The following PHC2 variants were observed in gnomAD, a reference collection of about 807,000 sequenced individuals.
The protein encoded by PHC2 is polyhomeotic homolog 2, also known as polyhomeotic-like protein 2.
Under a neutral mutation model 87.4 loss-of-function variants are expected in PHC2, and 29 were observed. The observed-to-expected ratio is 0.33, with a 90% CI of 0.25 to 0.45. The LOEUF (loss-of-function observed/expected upper bound fraction) is 0.45, where lower values mean the gene tolerates loss of function less well. Among genes scored for constraint, PHC2 ranks in the 20% least tolerant of loss-of-function variants. The probability of loss-of-function intolerance (pLI) is 1.00; values close to 1 mark genes in which losing one functional copy is unlikely to be tolerated. For synonymous variants in PHC2, 438 were observed against 461.7 expected (o/e 0.95, Z 0.66); for missense variants, 857 against 1,136.7 (o/e 0.75, Z 3.54).
chr1:33,340,767 A>G lies in PHC2; in HGVS notation c.1559-6475T>C, dbSNP rs144756929. On this transcript the variant is annotated intron_variant, in intron 9 of 14. Coordinates refer to ENST00000683057, the MANE Select transcript of PHC2 (RefSeq NM_001385109.1). ...GAGGGGAACAGGCAGGCTGAGCTCT[A>G]TCTGGGACCCTGACAGAGTCCATCA... 1.5e-4 allele frequency among the ~76,000 whole-genome samples: 23 copies of G among 152,292 alleles called. No individual in the cohort carries two copies. The East Asian group carries it at 1.7e-3, about 12-fold the overall frequency.
chr1:33,333,517 A>G (rs948587629), intron 10 of PHC2: 1 of 158,022 alleles, frequency 6.3e-6, no homozygotes, highest in Non-Finnish European at 1.4e-5. Context: ...TGGCTCGTGG[A>G]TATTTCTTGT....
At position 33,332,483 on chromosome 1, in the gene PHC2, C is replaced by A; in HGVS notation, c.1762-79G>T. On this transcript the variant is annotated intron_variant, in intron 10 of 14. Coordinates refer to ENST00000683057, the MANE Select transcript of PHC2 (RefSeq NM_001385109.1). The surrounding 1 kb of genome is among the most constrained non-coding windows in gnomAD (Gnocchi z 4.2). ...GCTATCCATCCTCATCACAATTACACGTATAAAGTATCCAGGCACAGAGGC... is the reference window on the plus strand; with the variant it reads ...GCTATCCATCCTCATCACAATTACAAGTATAAAGTATCCAGGCACAGAGGC... The A allele has an allele frequency of 6.5e-7, 1 of 1,527,970 alleles. No individual in the cohort carries two copies. The highest frequency in any genetic ancestry group is 9.0e-7 in the Non-Finnish European group (1 of 1,106,382). The allele number at this position is 1,527,970 out of a possible 1,614,324, so 94.7% of individuals were successfully genotyped here. A position where few individuals can be genotyped will look rare whatever the true frequency, so the allele number is the denominator to read the frequency against.
intron 1 of PHC2, among the ~76,000 whole-genome samples, chr1:33,420,965 TA>T: frequency 6.6e-6 from 1 of 152,326 alleles, no homozygotes; most frequent in South Asian, 2.1e-4. Flanking sequence ...ATGACATGAG[TA>T]CTTACCTCAG....
chr1:33,355,374 T>C (rs1477888856), intron 7 of PHC2, 121 bp from the exon 8 acceptor site: 3 of 839,442 alleles, frequency 3.6e-6, no homozygotes, highest in Non-Finnish European at 5.4e-6. Context: ...TCTCTTGTTT[T>C]CATCTCTTTC....
intron 1 of PHC2, among the ~76,000 whole-genome samples, chr1:33,390,989 G>A (rs1334201755): frequency 6.6e-6 from 1 of 152,066 alleles, no homozygotes; most frequent in African/African-American, 2.4e-5. Flanking sequence ...AATGGGGAGG[G>A]GGCTTTCTAG....
At chr1:33,428,388 T>A (rs1650768726) in intron 1 of PHC2, among the ~76,000 whole-genome samples, 1 of 152,244 alleles carries the variant, frequency 6.6e-6, no homozygotes, top group Non-Finnish European at 1.5e-5. Context: ...GTATTAAGCA[T>A]GTCACCCCAG....
intron 1 of PHC2, among the ~76,000 whole-genome samples, chr1:33,418,866 A>C (rs1650313682): frequency 6.6e-6 from 1 of 152,260 alleles, no homozygotes; most frequent in South Asian, 2.1e-4. Flanking sequence ...CATGGAGAAG[A>C]GGCTAGAAGA....
chr1:33,354,580 G>T lies in PHC2; in HGVS notation c.1393-14C>A. On this transcript the variant is annotated splice_polypyrimidine_tract_variant and intron_variant, in intron 8 of 14. Transcript: ENST00000683057. ...ACACTGCTGGGGCTGTCAAAGGACA[G>T]GACAGAGAGGGGGGCCTCTCAGAAA... 2.5e-6 allele frequency: 4 copies of T among 1,606,576 alleles called. No homozygotes were observed. In the South Asian group the frequency reaches 4.4e-5, roughly 18 times the overall value.
chr1:33,370,876 TTTTC>T, intron 4 of PHC2, 137 bp downstream of exon 4: 1 of 764,226 alleles, frequency 1.3e-6, no homozygotes, highest in Non-Finnish European at 2.3e-6. Flanking sequence ...AGACATGCCC[TTTTC>T]TTTTTCTTCC....
intron 7 of PHC2, among the ~76,000 whole-genome samples, chr1:33,365,785 G>A (rs1344692492): frequency 6.6e-6 from 1 of 152,204 alleles, no homozygotes; most frequent in African/African-American, 2.4e-5. Flanking sequence ...GCCTCAAGAA[G>A]GTGAATGAGG....
At position 33,373,998 on chromosome 1, in the gene PHC2, CAT is replaced by C. The variant is rs1391982283; in HGVS notation, c.174+1366_174+1367del. On this transcript the variant is annotated intron_variant, in intron 2 of 14. Coordinates refer to ENST00000683057, the MANE Select transcript of PHC2 (RefSeq NM_001385109.1). ...AGACATCCCCATCCCAACTCTTCCA[CAT>C]GTTGCCCCCAGATTCCACTCCTCTG... Among the ~76,000 whole-genome samples, 10 of 152,322 alleles carry C rather than the reference CAT, an allele frequency of 6.6e-5. No individual in the cohort carries two copies. In the South Asian group the frequency reaches 1.9e-3, roughly 28 times the overall value.
chr1:33,363,435 C>A (rs1193964545), intron 7 of PHC2, among the ~76,000 whole-genome samples: 1 of 152,190 alleles, frequency 6.6e-6, no homozygotes, highest in African/African-American at 2.4e-5. Context: ...TTGGAGGCTG[C>A]TTTGGGAGGG....
intron 1 of PHC2, among the ~76,000 whole-genome samples, chr1:33,394,323 G>A (rs780762709): frequency 6.6e-6 from 1 of 151,704 alleles, no homozygotes; most frequent in Non-Finnish European, 1.5e-5. Flanking sequence ...AAAGGAAAAA[G>A]GGGAACAGCA....
At chr1:33,370,925 A>G in intron 4 of PHC2, 92 bp downstream of exon 4, 1 of 1,017,608 alleles carries the variant, frequency 9.8e-7, no homozygotes, top group Non-Finnish European at 1.6e-6. Context: ...ATGATGCTAC[A>G]TGGCCACGGA....
intron 1 of PHC2, among the ~76,000 whole-genome samples, chr1:33,408,362 A>T (rs1649847001): frequency 6.6e-6 from 1 of 152,230 alleles, no homozygotes; most frequent in South Asian, 2.1e-4. Flanking sequence ...GAGCTGCACT[A>T]GTTTGCTTCA....
chr1:33,333,120 G>C (rs1274368715), intron 10 of PHC2: 1 of 152,234 alleles, frequency 6.6e-6, no homozygotes, highest in African/African-American at 2.4e-5. Flanking sequence ...GTCTAACAGG[G>C]AAGGGATGTA....
At chr1:33,370,664 C>G in intron 4 of PHC2, 79 bp from the exon 5 acceptor site, 2 of 1,384,922 alleles carry the variant, frequency 1.4e-6, no homozygotes, top group Admixed American at 4.3e-5. Context: ...TTCTTTCTCC[C>G]CCCTCTTTTG....
rs769226746 is a variant in PHC2, at chr1:33,334,280, C to A, written c.1571G>T (p.Gly524Val). Residue 524 changes from glycine (G) to valine (V), a missense_variant, in exon 10 of 15, where the codon GGC becomes GTC. Physicochemically the swap from Gly to Val is moderately radical, Grantham distance 109. Coordinates refer to ENST00000683057, the MANE Select transcript of PHC2 (RefSeq NM_001385109.1). This position sits in a 1 kb window ranked among gnomAD's most constrained non-coding sequence, Gnocchi z 5.5. ...QPSPAHETGQ[G>V]IVHALTDLSS... ...GAGGTCGGTCAGTGCATGAACAATG[C>A]CCTGCCCTGTCTCTGCACGAGAGAG... 9.3e-6 allele frequency: 15 copies of A among 1,612,414 alleles called. No homozygotes were observed. In the African/African-American group the frequency reaches 1.7e-4, roughly 19 times the overall value.
chr1:33,355,739 C>T (rs1647059116), intron 7 of PHC2, among the ~76,000 whole-genome samples: 1 of 152,242 alleles, frequency 6.6e-6, no homozygotes, highest in Non-Finnish European at 1.5e-5. Flanking sequence ...CAGGAAGAGC[C>T]AGTAGACAAC....
Sources: allele counts gnomAD v4.1 joint callset (sites outside exome capture counted in the v4.1 genomes callset), GRCh38; gene constraint gnomAD v4.1.1; non-coding constraint Gnocchi (gnomAD v3.1); transcripts MANE v1.5; gene names NCBI Gene and HGNC (gene_info 2026-07-23, HGNC 2026-07-21).